The following SFMBT1 variants were observed in gnomAD, a reference collection of about 807,000 sequenced individuals.
SFMBT1 encodes the protein scm-like with four MBT domains protein 1.
SFMBT1 carries 32 observed loss-of-function variants against 108.7 expected under a neutral mutation model. That is an observed-to-expected ratio of 0.29 (90% confidence interval 0.22 to 0.40). SFMBT1 has a LOEUF of 0.40. SFMBT1 is among the 10% of genes least tolerant of loss of function. SFMBT1 has a pLI of 1.00. For synonymous variants in SFMBT1, 348 were observed against 369.5 expected (o/e 0.94, Z 0.67); for missense variants, 816 against 1,059.6 (o/e 0.77, Z 3.19).
rs371143291 is a variant in SFMBT1, at chr3:52,915,056, G to A, written c.1480+1094C>T. 3.1e-4 allele frequency among the ~76,000 whole-genome samples: 47 copies of A among 152,294 alleles called. 1 individual carries two copies. The South Asian group carries it at 9.1e-3, about 30-fold the overall frequency. On this transcript the variant is annotated intron_variant, in intron 14 of 20. Transcript: ENST00000394752. ...ACCTGAATTAGGATCAACTCTGAGTGGTTAGATCAGCTTCAGGGCTCCCAG... is the reference window on the plus strand; with the variant it reads ...ACCTGAATTAGGATCAACTCTGAGTAGTTAGATCAGCTTCAGGGCTCCCAG...
chr3:52,907,320 G>A lies in SFMBT1; in HGVS notation c.2086-6C>T. Reference sequence around the variant, plus strand: ...TCATCTTCACCCCCACTTCCCTGCAGGAAAAGGAGAGAAGTCTCATTGAAA... The same window carrying A: ...TCATCTTCACCCCCACTTCCCTGCAAGAAAAGGAGAGAAGTCTCATTGAAA... On this transcript the variant is annotated splice_polypyrimidine_tract_variant and splice_region_variant and intron_variant, in intron 18 of 20. Transcript: ENST00000394752. 6.2e-7 allele frequency: 1 copy of A among 1,608,152 alleles called. No homozygotes were observed.
At chr3:52,947,188 G>C (rs561368360) in intron 3 of SFMBT1, among the ~76,000 whole-genome samples, 1 of 148,376 alleles carries the variant, frequency 6.7e-6, no homozygotes, top group Admixed American at 6.8e-5. Flanking sequence ...CGTCATCTCT[G>C]CTCACTGCAA....
At chr3:52,945,150 A>AAAAAAAAAAAAAAAAAAAAAAAAAAAAG (rs1703323024) in intron 3 of SFMBT1, among the ~76,000 whole-genome samples, 1 of 149,124 alleles carries the variant, frequency 6.7e-6, no homozygotes, top group Non-Finnish European at 1.5e-5. Flanking sequence ...AAAAAAAAAA[A>AAAAAAAAAAAAAAAAAAAAAAAAAAAAG]ACAAGGACTT....
chr3:52,959,585 T>C (rs777846798), intron 2 of SFMBT1, among the ~76,000 whole-genome samples: 6 of 152,220 alleles, frequency 3.9e-5, no homozygotes, highest in Non-Finnish European at 8.8e-5. Context: ...CATCTCCCAG[T>C]GTCCTTCATG....
At chr3:52,922,710 G>T (rs1413680237) in intron 10 of SFMBT1, among the ~76,000 whole-genome samples, 2 of 152,126 alleles carry the variant, frequency 1.3e-5, no homozygotes, top group Non-Finnish European at 2.9e-5. Context: ...TTGGCTCCTC[G>T]ACTCCATGCA....
At chr3:52,915,508 G>C (rs913365762) in intron 14 of SFMBT1, among the ~76,000 whole-genome samples, 6 of 152,200 alleles carry the variant, frequency 3.9e-5, no homozygotes, top group African/African-American at 1.2e-4. Context: ...TGATCTCTCT[G>C]AGCTTCGATT....
At chr3:53,001,925 T>TCTCTCTCACACACACA (rs1448849638) in intron 1 of SFMBT1, among the ~76,000 whole-genome samples, 1 of 129,132 alleles carries the variant, frequency 7.7e-6, no homozygotes, top group Admixed American at 8.3e-5. Flanking sequence ...ACCCAGTCTC[T>TCTCTCTCACACACACA]CACACACACA....
chr3:53,023,006 T>A (rs974564205), intron 1 of SFMBT1, among the ~76,000 whole-genome samples: 1 of 152,232 alleles, frequency 6.6e-6, no homozygotes, highest in African/African-American at 2.4e-5. Flanking sequence ...TTTAAAAAAG[T>A]CATCCCTAAT....
intron 1 of SFMBT1, among the ~76,000 whole-genome samples, chr3:53,019,307 C>CA (rs1323303566): frequency 1.3e-5 from 2 of 149,322 alleles, no homozygotes; most frequent in African/African-American, 5.0e-5. Context: ...AAAAAACAAA[C>CA]AAAAAAAAGC....
chr3:53,010,362 G>T (rs932004419), intron 1 of SFMBT1, among the ~76,000 whole-genome samples: 4 of 152,302 alleles, frequency 2.6e-5, no homozygotes, highest in South Asian at 2.1e-4. Flanking sequence ...GGAGACAAAG[G>T]CATCAAGAGA....
intron 4 of SFMBT1, 24 bp from the exon 5 acceptor site, chr3:52,934,925 A>ATT: frequency 6.3e-7 from 1 of 1,585,106 alleles, no homozygotes; most frequent in Middle Eastern, 1.7e-4. Flanking sequence ...TAAATGACTG[A>ATT]TTACTCAAAA....
chr3:52,907,334 G>C lies in SFMBT1; in HGVS notation c.2086-20C>G, dbSNP rs767017754. The C allele has an allele frequency of 2.5e-6, 4 of 1,594,818 alleles. No homozygotes were observed. The highest frequency in any genetic ancestry group is 3.4e-6 in the Non-Finnish European group (4 of 1,172,748). ...ACTTCCCTGCAGGAAAAGGAGAGAA[G>C]TCTCATTGAAATTCAGGACATCAAT... On this transcript the variant is annotated intron_variant, in intron 18 of 20. Coordinates refer to ENST00000394752, the MANE Select transcript of SFMBT1 (RefSeq NM_016329.4).
intron 13 of SFMBT1, among the ~76,000 whole-genome samples, chr3:52,917,258 T>G (rs1043136374): frequency 1.1e-4 from 17 of 152,188 alleles, no homozygotes; most frequent in African/African-American, 4.1e-4. Flanking sequence ...CTACTCAAAT[T>G]CATATGTTGA....
At chr3:53,000,181 G>A (rs1698496933) in intron 1 of SFMBT1, among the ~76,000 whole-genome samples, 1 of 148,266 alleles carries the variant, frequency 6.7e-6, no homozygotes, top group Non-Finnish European at 1.5e-5. Context: ...ATTTTTTTAG[G>A]TTTTTATTTA....
chr3:52,915,765 A>C (rs1225154666), intron 14 of SFMBT1, among the ~76,000 whole-genome samples: 2 of 152,224 alleles, frequency 1.3e-5, no homozygotes, highest in Non-Finnish European at 2.9e-5. Flanking sequence ...ATTTATATAC[A>C]AAGTATGCAT....
chr3:53,011,847 T>C (rs1698955456), intron 1 of SFMBT1, among the ~76,000 whole-genome samples: 1 of 152,200 alleles, frequency 6.6e-6, no homozygotes, highest in Non-Finnish European at 1.5e-5. Context: ...AGTCCTGGAA[T>C]CAGCTACAAA....
At chr3:52,929,353 C>A (rs1702788141) in intron 8 of SFMBT1, among the ~76,000 whole-genome samples, 1 of 152,190 alleles carries the variant, frequency 6.6e-6, no homozygotes, top group Middle Eastern at 3.2e-3. Flanking sequence ...GATTCTCTCA[C>A]CTCAGCCTCC....
chr3:52,907,460 C>G (rs4384941), intron 18 of SFMBT1, 95 bp downstream of exon 18: 1 of 1,524,380 alleles, frequency 6.6e-7, no homozygotes, highest in African/African-American at 1.4e-5. Context: ...GGCCAGAGAT[C>G]TGAGTTAGAA....
Position 52,952,693 on chromosome 3 carries a change from C to G in SFMBT1, c.123+1624G>C, listed in dbSNP as rs548069336. The stretch of plus-strand genomic sequence containing the variant: ...ATGGTGGAAGTTGAGCAAACAAGCT[C>G]TCTCAAGCCTCCTTTATAATGGTGC... On this transcript the variant is annotated intron_variant, in intron 3 of 20. Transcript: ENST00000394752. Among the ~76,000 whole-genome samples, 5 of 152,318 alleles carry G rather than the reference C, an allele frequency of 3.3e-5. No homozygotes were observed. The South Asian group carries it at 8.3e-4, about 25-fold the overall frequency.
Sources: gnomAD v4.1 joint callset for allele counts (sites outside exome capture counted in the v4.1 genomes callset) on GRCh38, gnomAD v4.1.1 for gene constraint, MANE v1.5 for transcripts, NCBI Gene and HGNC (gene_info 2026-07-23, HGNC 2026-07-21) for gene names.